Variants in FMNL2 observed in about 807,000 individuals in gnomAD.
The protein encoded by FMNL2 is formin like 2.
In FMNL2, 51 loss-of-function variants were observed where a neutral mutation model predicts 130.2. The observed-to-expected ratio is 0.39, with a 90% CI of 0.31 to 0.49. The LOEUF is 0.49. FMNL2 is among the 20% of genes least tolerant of loss of function. The probability of loss-of-function intolerance (pLI) is 0.85; values close to 1 mark genes in which losing one functional copy is unlikely to be tolerated. For synonymous variants in FMNL2, 465 were observed against 467.1 expected, an observed-to-expected ratio of 1.00 and a Z score of 0.06; for missense variants, 977 against 1,316.2, an observed-to-expected ratio of 0.74 and a Z score of 3.99.
At chr2:152,579,810 C>T (rs1000337504) in intron 8 of FMNL2, among the ~76,000 whole-genome samples, 4 of 152,328 alleles carry the variant, frequency 2.6e-5, no homozygotes, top group South Asian at 2.1e-4. Context: ...ACACGTTAGT[C>T]GTAAAAGCCA....
chr2:152,521,563 C>T (rs1288313790), intron 1 of FMNL2, among the ~76,000 whole-genome samples: 1 of 151,566 alleles, frequency 6.6e-6, no homozygotes, highest in Non-Finnish European at 1.5e-5. Flanking sequence ...TCATTGTGTT[C>T]TCTTTTGGTG....
At chr2:152,399,501 A>AG (rs1372995073) in intron 1 of FMNL2, among the ~76,000 whole-genome samples, 2 of 152,266 alleles carry the variant, frequency 1.3e-5, no homozygotes, top group East Asian at 3.9e-4. Flanking sequence ...GGGGAACCTG[A>AG]GATGGGGTGT....
chr2:152,506,559 T>C (rs560225731), intron 1 of FMNL2, among the ~76,000 whole-genome samples: 2 of 152,310 alleles, frequency 1.3e-5, no homozygotes, highest in African/African-American at 2.4e-5. Flanking sequence ...CCATGGTTGG[T>C]TGAATCCACA....
intron 2 of FMNL2, among the ~76,000 whole-genome samples, chr2:152,537,785 G>C (rs1035997659): frequency 2.0e-5 from 3 of 152,114 alleles, no homozygotes; most frequent in African/African-American, 7.2e-5. Flanking sequence ...AATTCAAGAT[G>C]AGCATGCTTA....
intron 1 of FMNL2, among the ~76,000 whole-genome samples, chr2:152,433,461 C>T (rs1687599021): frequency 6.6e-6 from 1 of 151,718 alleles, no homozygotes; most frequent in South Asian, 2.1e-4. Context: ...GAAAATCAAC[C>T]CAACTTCTCT....
chr2:152,593,902 T>TGTGTGTGAGA (rs1296082394), intron 9 of FMNL2, among the ~76,000 whole-genome samples: 11 of 81,634 alleles, frequency 1.3e-4, no homozygotes, highest in East Asian at 1.1e-3. Context: ...TGTGTGTGTG[T>TGTGTGTGAGA]GAGAGAGAGA....
intron 25 of FMNL2, chr2:152,643,389 T>C (rs1176241196): frequency 1.3e-6 from 2 of 1,535,886 alleles, no homozygotes; most frequent in Non-Finnish European, 8.7e-7. Context: ...CTCTTCTGTT[T>C]GTGTTGTTTG....
At chr2:152,490,263 T>G in intron 1 of FMNL2, among the ~76,000 whole-genome samples, 1 of 143,844 alleles carries the variant, frequency 7.0e-6, no homozygotes, top group African/African-American at 2.6e-5. Flanking sequence ...ATAAATAAGG[T>G]GTGAGAGTGG....
At position 152,423,871 on chromosome 2, in the gene FMNL2, C is replaced by T. The variant is rs1458610050; in HGVS notation, c.117+88151C>T. ...GGAATGATCTGTGGGAGGAACTGGG[C>T]CCATTGCCCCATATCCTTAGCCCAC... On this transcript the variant is annotated intron_variant, in intron 1 of 25. Coordinates refer to ENST00000288670, the MANE Select transcript of FMNL2 (RefSeq NM_052905.4). Among the ~76,000 whole-genome samples the T allele has an allele frequency of 2.6e-5, 4 of 152,062 alleles. No individual in the cohort carries two copies. In the East Asian group the frequency reaches 7.7e-4, roughly 29 times the overall value.
chr2:152,454,113 A>C (rs1367539914), intron 1 of FMNL2, among the ~76,000 whole-genome samples: 1 of 149,488 alleles, frequency 6.7e-6, no homozygotes, highest in East Asian at 2.0e-4. Context: ...GTCTCTGCTA[A>C]AAATACAAAA....
intron 1 of FMNL2, among the ~76,000 whole-genome samples, chr2:152,495,089 T>C (rs1691430042): frequency 6.6e-6 from 1 of 152,194 alleles, no homozygotes; most frequent in African/African-American, 2.4e-5. Context: ...CCGATTTGTC[T>C]ATGATGCTTG....
chr2:152,614,172 A>G (rs1698825571), intron 11 of FMNL2, among the ~76,000 whole-genome samples: 1 of 152,174 alleles, frequency 6.6e-6, no homozygotes, highest in South Asian at 2.1e-4. Context: ...TTTCCACTAC[A>G]CAGATACCCC....
At chr2:152,515,699 C>T (rs764551036) in intron 1 of FMNL2, among the ~76,000 whole-genome samples, 1 of 152,144 alleles carries the variant, frequency 6.6e-6, no homozygotes, top group Non-Finnish European at 1.5e-5. Flanking sequence ...ACTTAACCTC[C>T]TTGTCCTCCG....
At chr2:152,623,721 A>C (rs1234829295) in intron 15 of FMNL2, among the ~76,000 whole-genome samples, 1 of 152,134 alleles carries the variant, frequency 6.6e-6, no homozygotes, top group Non-Finnish European at 1.5e-5. Flanking sequence ...GTGGTAGGCT[A>C]CCCAGAACAG....
intron 21 of FMNL2, among the ~76,000 whole-genome samples, chr2:152,635,109 T>A (rs892713340): frequency 6.6e-6 from 1 of 152,192 alleles, no homozygotes; most frequent in Non-Finnish European, 1.5e-5. Flanking sequence ...AACGATTTTT[T>A]AAAAAGTTTT....
chr2:152,373,138 T>A (rs761527321), intron 1 of FMNL2, among the ~76,000 whole-genome samples: 5 of 152,246 alleles, frequency 3.3e-5, no homozygotes, highest in Non-Finnish European at 5.9e-5. Context: ...GATTGTCCCT[T>A]CTGTGTCTAA....
At chr2:152,413,377 T>C (rs1468952355) in intron 1 of FMNL2, among the ~76,000 whole-genome samples, 1 of 152,214 alleles carries the variant, frequency 6.6e-6, no homozygotes, top group African/African-American at 2.4e-5. Context: ...AGTTGATTGA[T>C]GCCGGGAAAG....
At chr2:152,495,823 T>C (rs1579809516) in intron 1 of FMNL2, among the ~76,000 whole-genome samples, 1 of 151,946 alleles carries the variant, frequency 6.6e-6, no homozygotes, top group African/African-American at 2.4e-5. Flanking sequence ...AACTAGAGAA[T>C]GACGTGGATA....
chr2:152,480,753 T>C (rs1690472805), intron 1 of FMNL2, among the ~76,000 whole-genome samples: 2 of 152,122 alleles, frequency 1.3e-5, no homozygotes, highest in Non-Finnish European at 2.9e-5. Flanking sequence ...CTTGGGATTC[T>C]TGGCAGTAGG....
Sources: gnomAD v4.1 joint callset for allele counts (sites outside exome capture counted in the v4.1 genomes callset) on GRCh38, gnomAD v4.1.1 for gene constraint, MANE v1.5 for transcripts, NCBI Gene and HGNC (gene_info 2026-07-23, HGNC 2026-07-21) for gene names.